Variants in SECISBP2L observed in about 807,000 individuals in gnomAD.
The protein encoded by SECISBP2L is SECIS binding protein 2 like, also known as selenocysteine insertion sequence-binding protein 2-like.
In SECISBP2L, 43 loss-of-function variants were observed where a neutral mutation model predicts 114.7. The observed-to-expected ratio is 0.38, with a 90% CI of 0.29 to 0.48. The LOEUF (loss-of-function observed/expected upper bound fraction) is 0.48. SECISBP2L is among the 20% of genes least tolerant of loss of function. The pLI, the probability that SECISBP2L is intolerant of heterozygous loss-of-function variation, is 0.98. For synonymous variants in SECISBP2L, 451 were observed against 439.7 expected (o/e 1.03, Z -0.32); for missense variants, 1,136 against 1,301.1 (o/e 0.87, Z 1.95).
intron 14 of SECISBP2L, among the ~76,000 whole-genome samples, chr15:49,008,929 C>A (rs763804769): frequency 1.3e-5 from 2 of 151,952 alleles, no homozygotes; most frequent in African/African-American, 4.8e-5. Context: ...ACTGATAGTA[C>A]AACATTTAAT....
rs565614999 is a variant in SECISBP2L at position 49,027,762 on chromosome 15, C to A, written c.920-282G>T. On this transcript the variant is annotated intron_variant, in intron 6 of 17. Transcript: ENST00000559471. ...TAGCTGGGATTACAGGCGCTCACCA[C>A]CACGTCCAGTTAACTTTTTTGTATT... 7.2e-4 allele frequency among the ~76,000 whole-genome samples: 109 copies of A among 152,202 alleles called. 3 individuals carry two copies. In the South Asian group the frequency reaches 0.022, roughly 30 times the overall value.
chr15:49,035,205 AT>A (rs1902979805), intron 3 of SECISBP2L, 128 bp downstream of exon 3: 1 of 768,692 alleles, frequency 1.3e-6, no homozygotes. Flanking sequence ...ACCCTTTACC[AT>A]TTTACAATAG....
At chr15:48,993,641 AGAAT>A (rs1212347641) in intron 17 of SECISBP2L, among the ~76,000 whole-genome samples, 2 of 152,090 alleles carry the variant, frequency 1.3e-5, no homozygotes, top group African/African-American at 4.8e-5. Context: ...TTATAAGCAA[AGAAT>A]CCATCCATGC....
rs1249977548 is a variant in SECISBP2L at position 49,011,870 on chromosome 15, G to A, written c.1732-7C>T. ...CTCTTTCTTTTAAAATAACCTAAAA[G>A]TCATTACACTAGTCTTTAATTACAG... On this transcript the variant is annotated splice_polypyrimidine_tract_variant and splice_region_variant and intron_variant, in intron 12 of 17. Transcript: ENST00000559471. 6.2e-7 allele frequency: 1 copy of A among 1,613,404 alleles called. No homozygotes were observed. The highest frequency in any genetic ancestry group is 1.1e-5 in the South Asian group (1 of 91,036).
In SECISBP2L at chr15:49,019,487, T is replaced by G; in HGVS notation, c.1101A>C (p.Pro367=). ...GACTAGAGCTTAAATGCTTATTATCTGGTCTCTTTTGCAAATTCTGTCTTC... is the reference window on the plus strand; with the variant it reads ...GACTAGAGCTTAAATGCTTATTATCGGGTCTCTTTTGCAAATTCTGTCTTC... ...SERRQNLQKR[P]DNKHLSSSQS... The change falls in exon 8 of 18, where the codon CCA becomes CCC. Residue 367 remains proline, a synonymous_variant. Coordinates refer to ENST00000559471, the MANE Select transcript of SECISBP2L (RefSeq NM_001193489.2). 1.1e-5 allele frequency: 16 copies of G among 1,512,770 alleles called. No homozygotes were observed. The highest frequency in any genetic ancestry group is 1.3e-5 in the Non-Finnish European group (15 of 1,137,508). 93.7% of individuals were successfully genotyped at this position (1,512,770 alleles called of 1,614,324 possible).
intron 13 of SECISBP2L, among the ~76,000 whole-genome samples, chr15:49,009,727 C>T (rs1366343849): frequency 2.6e-5 from 4 of 151,630 alleles, no homozygotes; most frequent in Non-Finnish European, 5.9e-5. Context: ...AAAAACATTC[C>T]CTCTCTCTCT....
intron 14 of SECISBP2L, 90 bp downstream of exon 14, chr15:49,009,126 G>T: frequency 7.4e-7 from 1 of 1,359,616 alleles, no homozygotes; most frequent in Non-Finnish European, 1.0e-6. Flanking sequence ...TTGTCTGCTT[G>T]ACTCACTGAG....
At chr15:48,993,023 A>G (rs1902017186) in intron 17 of SECISBP2L, 97 bp from the exon 18 acceptor site, 8 of 1,091,796 alleles carry the variant, frequency 7.3e-6, no homozygotes, top group Non-Finnish European at 9.2e-6. Context: ...AACAAAATAT[A>G]TAAATTTGTT....
At chr15:49,035,756 A>T in intron 2 of SECISBP2L, 98 bp from the exon 3 acceptor site, 1 of 1,079,736 alleles carries the variant, frequency 9.3e-7, no homozygotes, top group Non-Finnish European at 1.3e-6. Flanking sequence ...GACAAAACAG[A>T]ACAGTGGCTT....
At position 49,014,815 on chromosome 15, in the gene SECISBP2L, T is replaced by A. The variant is rs1260567073; in HGVS notation, c.1561+1745A>T. 2.0e-5 allele frequency among the ~76,000 whole-genome samples: 3 copies of A among 148,608 alleles called. No individual in the cohort carries two copies. The South Asian group carries it at 6.2e-4, about 31-fold the overall frequency. On this transcript the variant is annotated intron_variant, in intron 11 of 17. Coordinates refer to ENST00000559471, the MANE Select transcript of SECISBP2L (RefSeq NM_001193489.2). The stretch of plus-strand genomic sequence containing the variant: ...TTAGCAACTGCTAAATGTTTGTTTA[T>A]GTATATTAACAGTATATGTATAAAT...
Position 49,011,780 on chromosome 15 carries a change from C to T in SECISBP2L, c.1815G>A (p.Met605Ile), listed in dbSNP as rs761019139. 6.8e-6 allele frequency: 11 copies of T among 1,613,982 alleles called. 1 individual carries two copies. In the South Asian group the frequency reaches 9.9e-5, roughly 14 times the overall value. The change falls in exon 13 of 18, where the codon ATG becomes ATA. Residue 605 changes from methionine to isoleucine, a missense_variant. Around this residue, in one of 2 missense-constraint regions of SECISBP2L, gnomAD observed 684 missense variants for 848.7 expected, o/e 0.81. Transcript: ENST00000559471. ...NLLGSEEPTE[M>I]HLDFIDDLPQ... Reference sequence around the variant, plus strand: ...GCAAGTCATCAATAAAATCTAAGTGCATTTCTGTTGGTTCCTCGGATCCCA... The same window carrying T: ...GCAAGTCATCAATAAAATCTAAGTGTATTTCTGTTGGTTCCTCGGATCCCA...
At chr15:48,998,042 T>C (rs1902130098) in intron 16 of SECISBP2L, among the ~76,000 whole-genome samples, 1 of 152,196 alleles carries the variant, frequency 6.6e-6, no homozygotes, top group Admixed American at 6.5e-5. Flanking sequence ...AAATGTCCAA[T>C]TTAGTATCAC....
intron 14 of SECISBP2L, among the ~76,000 whole-genome samples, chr15:49,002,486 T>C (rs1452493671): frequency 6.6e-6 from 1 of 152,224 alleles, no homozygotes; most frequent in African/African-American, 2.4e-5. Context: ...TGGCTTTTGT[T>C]GCCATTGCTT....
chr15:49,017,459 C>A, intron 9 of SECISBP2L, 89 bp downstream of exon 9: 1 of 823,766 alleles, frequency 1.2e-6, no homozygotes, highest in Non-Finnish European at 2.0e-6. Context: ...GCTCCATGTG[C>A]CTTTACACTT....
intron 6 of SECISBP2L, among the ~76,000 whole-genome samples, chr15:49,027,804 T>A (rs1164596324): frequency 6.6e-6 from 1 of 151,968 alleles, no homozygotes; most frequent in Non-Finnish European, 1.5e-5. Flanking sequence ...AGAGATTGGG[T>A]TTCATCATGT....
intron 17 of SECISBP2L, chr15:48,995,899 TA>T (rs1902075575): frequency 1.3e-5 from 2 of 154,414 alleles, no homozygotes; most frequent in Non-Finnish European, 2.9e-5. Context: ...TTTTTAAATT[TA>T]TTTTTTTCTT....
intron 2 of SECISBP2L, 63 bp from the exon 3 acceptor site, chr15:49,035,721 A>T (rs1227598624): frequency 6.9e-7 from 1 of 1,440,954 alleles, no homozygotes; most frequent in African/African-American, 1.4e-5. Flanking sequence ...ACTAAAGCAA[A>T]ATCTCTTAAC....
intron 7 of SECISBP2L, among the ~76,000 whole-genome samples, chr15:49,021,738 T>TC (rs1902643429): frequency 6.6e-6 from 1 of 152,158 alleles, no homozygotes; most frequent in Non-Finnish European, 1.5e-5. Context: ...TTCTTACACT[T>TC]CGAGACATAA....
chr15:48,993,100 A>AGAGTGTGTGTGTGT (rs772299775), intron 17 of SECISBP2L, among the ~76,000 whole-genome samples, 174 bp from the exon 18 acceptor site: 48 of 139,220 alleles, frequency 3.4e-4, no homozygotes, highest in South Asian at 2.6e-3. Context: ...ACAGAGAGAG[A>AGAGTGTGTGTGTGT]GTGTGTGTGT....
Sources: gnomAD v4.1 joint callset for allele counts (sites outside exome capture counted in the v4.1 genomes callset) on GRCh38, gnomAD v4.1.1 for gene constraint, gnomAD v4.1.1 regional missense constraint, MANE v1.5 for transcripts, NCBI Gene and HGNC (gene_info 2026-07-23, HGNC 2026-07-21) for gene names.